LARP4B: variants seen among roughly 807,000 people sequenced by gnomAD.
LARP4B encodes the protein La ribonucleoprotein 4B, also known as la-related protein 4B.
Under a neutral mutation model 89.8 loss-of-function variants are expected in LARP4B, and 12 were observed. The observed-to-expected ratio is 0.13, with a 90% confidence interval of 0.09 to 0.22. The LOEUF (loss-of-function observed/expected upper bound fraction) is 0.22, where lower values mean the gene tolerates loss of function less well. Among genes scored for constraint, LARP4B ranks in the 10% least tolerant of loss-of-function variants. LARP4B has a pLI of 1.00. For synonymous variants in LARP4B, 367 were observed against 363.3 expected (o/e 1.01, Z -0.12); for missense variants, 757 against 947.7 (o/e 0.80, Z 2.64).
chr10:843,164 T>A, intron 6 of LARP4B, 96 bp from the exon 7 acceptor site: 1 of 1,058,556 alleles, frequency 9.4e-7, no homozygotes, highest in South Asian at 1.5e-5. Flanking sequence ...GAGTGTGGCA[T>A]GGTATTGCTT....
the LARP4B span, among the ~76,000 whole-genome samples, chr10:976,793 T>G: frequency 1.1e-4 from 16 of 149,270 alleles, no homozygotes; most frequent in African/African-American, 4.0e-4. Flanking sequence ...TGTAGGCCTG[T>G]CATGTAATGT....
intron 14 of LARP4B, 152 bp downstream of exon 14, chr10:820,648 G>A: frequency 1.4e-6 from 1 of 690,146 alleles, no homozygotes. Context: ...AGGCCAGCCA[G>A]GGTGTCAGTT....
chr10:887,259 C>T (rs1474685669), intron 1 of LARP4B, among the ~76,000 whole-genome samples: 1 of 151,912 alleles, frequency 6.6e-6, no homozygotes, highest in African/African-American at 2.4e-5. Context: ...ATTGTACACT[C>T]GAAACTTGCT....
chr10:847,706 T>G (rs920165353), intron 5 of LARP4B, among the ~76,000 whole-genome samples: 1 of 152,022 alleles, frequency 6.6e-6, no homozygotes, highest in Non-Finnish European at 1.5e-5. Flanking sequence ...TTTTTTGGTA[T>G]TTTTAGTAGA....
chr10:819,885 C>T (rs12218845), intron 14 of LARP4B: 16,214 of 152,320 alleles, frequency 0.11, 1,027 homozygotes, highest in Non-Finnish European at 0.14. Flanking sequence ...CAGGATTTGT[C>T]CAGGTCTCCT....
Position 810,270 on chromosome 10 carries a change from C to A in LARP4B, c.*2656G>T, listed in dbSNP as rs996751372. ...CACAGCTTCCTATTATGATAACTCT[C>A]ATTTTCTTCTGAGCAGAAACTCTTG... On this transcript the variant is annotated 3_prime_UTR_variant, in exon 18 of 18. Transcript: ENST00000316157. The A allele has an allele frequency of 1.3e-5, 2 of 152,156 alleles. No individual in the cohort carries two copies. The highest frequency in any genetic ancestry group is 2.9e-5 in the Non-Finnish European group (2 of 68,040). The allele number at this position is 152,156 out of a possible 1,614,324, so 9.4% of individuals were successfully genotyped here. A position where few individuals can be genotyped will look rare whatever the true frequency, so the allele number is the denominator to read the frequency against.
intron 3 of LARP4B, 90 bp from the exon 4 acceptor site, chr10:864,360 T>G: frequency 7.7e-7 from 1 of 1,305,304 alleles, no homozygotes; most frequent in South Asian, 1.3e-5. Context: ...ACATCAGATA[T>G]AGGCTCCAAA....
chr10:963,951 G>T, the LARP4B span, among the ~76,000 whole-genome samples: 1 of 152,290 alleles, frequency 6.6e-6, no homozygotes, highest in South Asian at 2.1e-4. Flanking sequence ...ATTTTTGGGG[G>T]ACACATTCAA....
intron 1 of LARP4B, among the ~76,000 whole-genome samples, chr10:918,912 TA>T (rs958720733): frequency 4.7e-5 from 7 of 149,738 alleles, no homozygotes; most frequent in African/African-American, 1.7e-4. Flanking sequence ...CCATCTCTAA[TA>T]AAAAAAAATA....
At chr10:904,818 T>C (rs1260892051) in intron 1 of LARP4B, among the ~76,000 whole-genome samples, 2 of 152,114 alleles carry the variant, frequency 1.3e-5, no homozygotes, top group Admixed American at 6.5e-5. Flanking sequence ...AGTACTCCCA[T>C]GCGAGCAAGG....
intron 5 of LARP4B, among the ~76,000 whole-genome samples, chr10:856,876 T>C (rs1217637822): frequency 1.3e-5 from 2 of 152,104 alleles, no homozygotes; most frequent in African/African-American, 2.4e-5. Flanking sequence ...GAGCAGAACA[T>C]ACCTAGAGGA....
chr10:856,984 G>A (rs34492312), intron 5 of LARP4B, among the ~76,000 whole-genome samples: 2,932 of 152,052 alleles, frequency 0.019, 95 homozygotes, highest in African/African-American at 0.067. Context: ...TCCAGGGCCC[G>A]GGCTCACTAC....
chr10:863,834 C>A lies in LARP4B; in HGVS notation c.339G>T (p.Leu113Phe), dbSNP rs1369679179. 2.5e-6 allele frequency: 4 copies of A among 1,614,002 alleles called. No individual in the cohort carries two copies. In the African/African-American group the frequency reaches 4.0e-5, roughly 16 times the overall value. The change falls in exon 5 of 18, where the codon TTG becomes TTT. Residue 113 changes from leucine (L) to phenylalanine (F), a missense_variant. Physicochemically the swap from Leu to Phe is conservative, Grantham distance 22. Around this residue, in one of 5 missense-constraint regions of LARP4B, gnomAD observed 175 missense variants for 187.0 expected, o/e 0.94. Coordinates refer to ENST00000316157, the MANE Select transcript of LARP4B (RefSeq NM_015155.3). ...DGDQGHENAA[L>F]PDPQESDPAD... Reference sequence around the variant, plus strand: ...CTGGGTCCGACTCCTGCGGGTCTGGCAATGCGGCATTCTCATGGCCCTGGT... The same window carrying A: ...CTGGGTCCGACTCCTGCGGGTCTGGAAATGCGGCATTCTCATGGCCCTGGT...
intron 3 of LARP4B, among the ~76,000 whole-genome samples, chr10:870,827 C>T (rs1036764236): frequency 1.3e-5 from 2 of 152,190 alleles, no homozygotes; most frequent in Admixed American, 1.3e-4. Flanking sequence ...GCTTTTACCA[C>T]CACTAACAGA....
intron 15 of LARP4B, 92 bp from the exon 16 acceptor site, chr10:815,162 G>C: frequency 6.9e-7 from 1 of 1,457,072 alleles, no homozygotes; most frequent in Non-Finnish European, 9.1e-7. Flanking sequence ...GAACAGCCTT[G>C]GGAGAGCAGC....
chr10:855,988 G>A (rs1179365951), intron 5 of LARP4B, among the ~76,000 whole-genome samples: 3 of 152,226 alleles, frequency 2.0e-5, no homozygotes, highest in African/African-American at 7.2e-5. Flanking sequence ...TCAACAAACA[G>A]TGCTGCAATA....
At chr10:813,334 T>C in intron 17 of LARP4B, 121 bp from the exon 18 acceptor site, 1 of 976,028 alleles carries the variant, frequency 1.0e-6, no homozygotes, top group Non-Finnish European at 1.5e-6. Flanking sequence ...TCTTCACTAG[T>C]GTTTTTAACT....
rs1190502634 is a variant in LARP4B, at chr10:811,494, A to G, written c.*1432T>C. On this transcript the variant is annotated 3_prime_UTR_variant, in exon 18 of 18. Coordinates refer to ENST00000316157, the MANE Select transcript of LARP4B (RefSeq NM_015155.3). ...CTAGCTCTTGTACTACAGTATGCTT[A>G]CTCAGTAAAACTAGCGACAGGAGAT... The G allele has an allele frequency of 6.6e-6, 1 of 152,660 alleles. No homozygotes were observed. Among genetic ancestry groups the G allele is most frequent in the Admixed American group, 6.5e-5 (1 of 15,286 alleles). The allele number at this position is 152,660 out of a possible 1,614,324, so 9.5% of individuals were successfully genotyped here.
At chr10:894,941 T>C (rs1836141651) in intron 1 of LARP4B, among the ~76,000 whole-genome samples, 1 of 152,296 alleles carries the variant, frequency 6.6e-6, no homozygotes, top group South Asian at 2.1e-4. Flanking sequence ...TCCCAGCACT[T>C]TGGGAGGCCA....
Sources: gnomAD v4.1 joint callset for allele counts (sites outside exome capture counted in the v4.1 genomes callset) on GRCh38, gnomAD v4.1.1 for gene constraint, gnomAD v4.1.1 regional missense constraint, MANE v1.5 for transcripts, NCBI Gene and HGNC (gene_info 2026-07-23, HGNC 2026-07-21) for gene names.